SYT14: variants seen among roughly 807,000 people sequenced by gnomAD.
SYT14 encodes synaptotagmin-14.
SYT14 carries 32 observed loss-of-function variants against 74.2 expected under a neutral mutation model. The observed-to-expected ratio is 0.43, with a 90% CI of 0.33 to 0.58. The LOEUF (loss-of-function observed/expected upper bound fraction) is 0.58, where lower values mean the gene tolerates loss of function less well. Among genes scored for constraint, SYT14 ranks in the 20% least tolerant of loss-of-function variants. SYT14 has a pLI of 0.05. For missense variants in SYT14, 791 were observed against 981.8 expected (o/e 0.81, Z 2.60); for synonymous variants, 298 against 337.7 (o/e 0.88, Z 1.29).
At chr1:210,033,706 T>TG (rs1405064384) in intron 5 of SYT14, among the ~76,000 whole-genome samples, 1 of 151,808 alleles carries the variant, frequency 6.6e-6, no homozygotes, top group Non-Finnish European at 1.5e-5. Flanking sequence ...CAGATAGTTA[T>TG]GAAAAAAGCT....
intron 1 of SYT14, among the ~76,000 whole-genome samples, chr1:209,940,385 A>G (rs138447333): frequency 2.3e-4 from 35 of 151,512 alleles, no homozygotes; most frequent in African/African-American, 8.5e-4. Context: ...TTTTTGTACA[A>G]TAGCTGTATA....
chr1:210,082,288 A>G (rs1483108600), intron 5 of SYT14, among the ~76,000 whole-genome samples: 1 of 152,196 alleles, frequency 6.6e-6, no homozygotes, highest in Non-Finnish European at 1.5e-5. Context: ...AAGTCCATAC[A>G]TCGAGCCAAA....
intron 7 of SYT14, among the ~76,000 whole-genome samples, chr1:210,142,355 T>C (rs1166672976): frequency 6.6e-6 from 1 of 152,228 alleles, no homozygotes; most frequent in Non-Finnish European, 1.5e-5. Context: ...CCTTGGAGTG[T>C]TGCAGGCCTT....
intron 7 of SYT14, among the ~76,000 whole-genome samples, chr1:210,101,968 A>G (rs979008242): frequency 7.2e-5 from 11 of 152,182 alleles, no homozygotes; most frequent in Admixed American, 2.6e-4. Flanking sequence ...AAACTAAGCA[A>G]TTTTTTAATG....
At chr1:209,961,784 T>G (rs1255479363) in intron 2 of SYT14, among the ~76,000 whole-genome samples, 1 of 152,126 alleles carries the variant, frequency 6.6e-6, no homozygotes, top group Non-Finnish European at 1.5e-5. Flanking sequence ...TATTGTTTAT[T>G]CTTTCAGTGG....
intron 2 of SYT14, 48 bp downstream of exon 2, chr1:209,952,804 C>A: frequency 6.7e-7 from 1 of 1,503,158 alleles, no homozygotes; most frequent in Non-Finnish European, 9.2e-7. Flanking sequence ...TGAATACTTC[C>A]AAAGTGTATA....
At chr1:209,971,963 C>A (rs1180077409) in intron 2 of SYT14, among the ~76,000 whole-genome samples, 1 of 152,122 alleles carries the variant, frequency 6.6e-6, no homozygotes, top group African/African-American at 2.4e-5. Context: ...ACGATTGGCA[C>A]CAGTTCTTCT....
At chr1:210,076,736 A>G (rs752146347) in intron 5 of SYT14, among the ~76,000 whole-genome samples, 3 of 152,162 alleles carry the variant, frequency 2.0e-5, no homozygotes, top group Admixed American at 6.5e-5. Context: ...GGAGGAAGAG[A>G]GAGAGTGGGC....
intron 4 of SYT14, among the ~76,000 whole-genome samples, chr1:210,019,412 C>T (rs1311763872): frequency 1.3e-5 from 2 of 152,128 alleles, no homozygotes; most frequent in African/African-American, 4.8e-5. Flanking sequence ...CTGCATTGTT[C>T]CATATAGTAA....
intron 5 of SYT14, among the ~76,000 whole-genome samples, chr1:210,091,498 G>A (rs988483440): frequency 6.6e-6 from 1 of 152,150 alleles, no homozygotes; most frequent in Non-Finnish European, 1.5e-5. Flanking sequence ...GGATCAGCCT[G>A]GGCAACATGG....
intron 5 of SYT14, among the ~76,000 whole-genome samples, chr1:210,084,701 T>TG (rs2081686407): frequency 6.6e-6 from 1 of 152,206 alleles, no homozygotes; most frequent in Admixed American, 6.5e-5. Flanking sequence ...TCTTTCTGGA[T>TG]AAATATAAAG....
Position 210,095,627 on chromosome 1 carries a change from C to T in SYT14, c.1584+1034C>T, listed in dbSNP as rs577123913. Among the ~76,000 whole-genome samples the T allele has an allele frequency of 2.6e-5, 4 of 152,154 alleles. No homozygotes were observed. The South Asian group carries it at 8.3e-4, about 32-fold the overall frequency. On this transcript the variant is annotated intron_variant, in intron 6 of 9. Transcript: ENST00000637265. ...ACATTCAGTAATACTGAAATATGTC[C>T]GTATTCTTACCAGATGAATTTTCAG...
rs139082131 is a variant in SYT14 at position 210,061,850 on chromosome 1, T to C, written c.1313-32472T>C. On this transcript the variant is annotated intron_variant, in intron 5 of 9. Transcript: ENST00000637265. ...CTAAACTTCATATAATCTATTGTTA[T>C]ATTGTGAGCTTTGCTATTTGAATCT... Among the ~76,000 whole-genome samples the C allele has an allele frequency of 5.3e-3, 810 of 152,070 alleles. 9 individuals carry two copies. Among genetic ancestry groups the C allele is most frequent in the African/African-American group, 0.019 (773 of 41,562 alleles).
intron 5 of SYT14, among the ~76,000 whole-genome samples, chr1:210,041,638 T>C (rs532103946): frequency 6.6e-6 from 1 of 152,292 alleles, no homozygotes; most frequent in East Asian, 1.9e-4. Context: ...AGGGGGAATA[T>C]GTTTGTATTT....
chr1:210,116,590 G>A (rs966680673), intron 7 of SYT14, among the ~76,000 whole-genome samples: 6 of 152,122 alleles, frequency 3.9e-5, no homozygotes, highest in Non-Finnish European at 7.4e-5. Flanking sequence ...CAAGTGATCT[G>A]CCCCCCTTGG....
intron 5 of SYT14, among the ~76,000 whole-genome samples, chr1:210,049,811 G>A (rs1315372308): frequency 3.3e-5 from 5 of 152,150 alleles, no homozygotes; most frequent in African/African-American, 1.2e-4. Context: ...CTCTGTGGTG[G>A]CCCCTTTCAG....
chr1:209,994,830 T>A (rs1012131097), intron 2 of SYT14, among the ~76,000 whole-genome samples: 8 of 152,194 alleles, frequency 5.3e-5, no homozygotes, highest in African/African-American at 1.7e-4. Flanking sequence ...ATTGGGGGCC[T>A]ATTTTCAACA....
chr1:210,153,223 C>T (rs918594568), intron 7 of SYT14, among the ~76,000 whole-genome samples: 79 of 152,136 alleles, frequency 5.2e-4, no homozygotes, highest in African/African-American at 1.8e-3. Context: ...TGATAGTTCC[C>T]AGTGCTTTGT....
chr1:210,023,397 G>A (rs2080342540), intron 5 of SYT14, among the ~76,000 whole-genome samples: 1 of 152,178 alleles, frequency 6.6e-6, no homozygotes, highest in Non-Finnish European at 1.5e-5. Context: ...AGGCTGGAGT[G>A]CAGTGGCACG....
Sources: gnomAD v4.1 joint callset for allele counts (sites outside exome capture counted in the v4.1 genomes callset) on GRCh38, gnomAD v4.1.1 for gene constraint, MANE v1.5 for transcripts, NCBI Gene and HGNC (gene_info 2026-07-23, HGNC 2026-07-21) for gene names.